The following ADARB2 variants were observed in gnomAD, a reference collection of about 807,000 sequenced individuals.
ADARB2 encodes inactive double-stranded RNA-specific editase B2.
A neutral mutation model predicts 62.2 loss-of-function variants in ADARB2; 25 were observed. That is an observed-to-expected ratio of 0.40 (90% CI 0.29 to 0.56). The LOEUF (loss-of-function observed/expected upper bound fraction) is 0.56, where lower values mean the gene tolerates loss of function less well. ADARB2 is among the 20% of genes least tolerant of loss of function. ADARB2 has a pLI of 0.43. For missense variants in ADARB2, 1,071 were observed against 1,077.4 expected, an observed-to-expected ratio of 0.99 and a Z score of 0.08; for synonymous variants, 572 against 500.8, an observed-to-expected ratio of 1.14 and a Z score of -1.90.
At chr10:1,588,000 C>G (rs1430791219) in intron 1 of ADARB2, among the ~76,000 whole-genome samples, 1 of 152,132 alleles carries the variant, frequency 6.6e-6, no homozygotes, top group Non-Finnish European at 1.5e-5. Context: ...TATAAATTAC[C>G]CAGTCTCGGT....
At chr10:1,646,217 T>C (rs1834039532) in intron 1 of ADARB2, among the ~76,000 whole-genome samples, 1 of 152,210 alleles carries the variant, frequency 6.6e-6, no homozygotes, top group Non-Finnish European at 1.5e-5. Flanking sequence ...AAACGATGTG[T>C]CCTGGGGTCC....
intron 7 of ADARB2, among the ~76,000 whole-genome samples, chr10:1,206,412 G>A (rs1473929105): frequency 6.6e-6 from 1 of 151,498 alleles, no homozygotes; most frequent in Non-Finnish European, 1.5e-5. Context: ...GTGCCTGTGT[G>A]GTCTGAGAGA....
At chr10:1,395,304 T>C (rs1271081507) in intron 1 of ADARB2, among the ~76,000 whole-genome samples, 2 of 152,144 alleles carry the variant, frequency 1.3e-5, no homozygotes, top group Admixed American at 6.5e-5. Flanking sequence ...TTAAGCCCCA[T>C]GGTGAGTGGG....
Position 1,600,661 on chromosome 10 carries a change from CA to C in ADARB2, c.100+136389del, listed in dbSNP as rs71379153. ...TGGGCAACAGAGTGAGACTCTGTCT[CA>C]AAAAAAAAAAAAAAAAAAAAAAGAT... On this transcript the variant is annotated intron_variant, in intron 1 of 9. Coordinates refer to ENST00000381312, the MANE Select transcript of ADARB2 (RefSeq NM_018702.4). Among the ~76,000 whole-genome samples the C allele has an allele frequency of 2.9e-3, 206 of 70,652 alleles. 1 individual carries two copies. The highest frequency in any genetic ancestry group is 4.6e-3 in the South Asian group (6 of 1,292). 46.4% of individuals were successfully genotyped at this position (70,652 alleles called of 152,430 possible).
At chr10:1,605,107 C>G (rs1833478707) in intron 1 of ADARB2, among the ~76,000 whole-genome samples, 1 of 152,228 alleles carries the variant, frequency 6.6e-6, no homozygotes. Context: ...ATGTCATCTA[C>G]ATAAAGCCAG....
Position 1,259,798 on chromosome 10 carries a change from TAGG to T in ADARB2, c.1192+11154_1192+11156del, listed in dbSNP as rs1430602183. The stretch of plus-strand genomic sequence containing the variant: ...AGAGGGACTCCTCCCTAACTCATTT[TAGG>T]AGGCCAGCATCATCCTGATACCAAA... On this transcript the variant is annotated intron_variant, in intron 4 of 9. Transcript: ENST00000381312. Among the ~76,000 whole-genome samples the T allele has an allele frequency of 3.3e-5, 5 of 152,352 alleles. No homozygotes were observed. In the East Asian group the frequency reaches 9.7e-4, roughly 29 times the overall value.
chr10:1,345,745 T>A (rs531256196), intron 3 of ADARB2, among the ~76,000 whole-genome samples: 1 of 152,340 alleles, frequency 6.6e-6, no homozygotes, highest in African/African-American at 2.4e-5. Context: ...ACTCTGCCCC[T>A]TTCAGTCTAT....
At chr10:1,489,606 G>A (rs1271571540) in intron 1 of ADARB2, among the ~76,000 whole-genome samples, 1 of 152,206 alleles carries the variant, frequency 6.6e-6, no homozygotes, top group Non-Finnish European at 1.5e-5. Context: ...AAACCACTGG[G>A]AAAACTATAA....
At chr10:1,725,309 C>T (rs1835149649) in intron 1 of ADARB2, among the ~76,000 whole-genome samples, 1 of 152,250 alleles carries the variant, frequency 6.6e-6, no homozygotes, top group Non-Finnish European at 1.5e-5. Context: ...ATGGCTGTGG[C>T]ACACACGCGG....
rs147377897 is a variant in ADARB2 at position 1,727,297 on chromosome 10, G to A, written c.100+9754C>T. Among the ~76,000 whole-genome samples, 410 of 152,194 alleles carry A rather than the reference G, an allele frequency of 2.7e-3. 9 individuals are homozygous for A. The highest frequency in any genetic ancestry group is 2.5e-3 in the East Asian group (13 of 5,142). On this transcript the variant is annotated intron_variant, in intron 1 of 9. Transcript: ENST00000381312. ...AGCACCCACACCTGCGGGGAGCCCC[G>A]CAGAGCAAAACCAAGGAAGATGTCT...
intron 2 of ADARB2, among the ~76,000 whole-genome samples, chr10:1,365,138 C>G (rs1301841651): frequency 6.6e-6 from 1 of 152,102 alleles, no homozygotes; most frequent in Non-Finnish European, 1.5e-5. Flanking sequence ...TCCCAAAGTG[C>G]TGGGATTACG....
intron 3 of ADARB2, among the ~76,000 whole-genome samples, chr10:1,328,440 A>ATGAGCAG (rs1258861167): frequency 6.6e-6 from 1 of 152,218 alleles, no homozygotes; most frequent in Non-Finnish European, 1.5e-5. Context: ...ATGTGATGAA[A>ATGAGCAG]TGAGCAGACA....
intron 1 of ADARB2, among the ~76,000 whole-genome samples, chr10:1,434,355 T>G (rs1172214588): frequency 3.3e-5 from 5 of 152,220 alleles, no homozygotes; most frequent in Non-Finnish European, 7.3e-5. Context: ...GCCTGCTGTC[T>G]TTGTGTCAGG....
At chr10:1,434,357 T>C (rs560571263) in intron 1 of ADARB2, among the ~76,000 whole-genome samples, 1 of 152,310 alleles carries the variant, frequency 6.6e-6, no homozygotes, top group African/African-American at 2.4e-5. Flanking sequence ...CTGCTGTCTT[T>C]GTGTCAGGTT....
At position 1,737,274 on chromosome 10, in the gene ADARB2, T is replaced by TC; in HGVS notation, c.-125_-124insG. The TC allele has an allele frequency of 1.1e-6, 1 of 920,708 alleles. No individual in the cohort carries two copies. Among genetic ancestry groups the TC allele is most frequent in the African/African-American group, 1.6e-5 (1 of 60,928 alleles). The allele number at this position is 920,708 out of a possible 1,614,324, so 57.0% of individuals were successfully genotyped here. Reference sequence around the variant, plus strand: ...GTTGCAAACCCGGGAGCGGCTCACTTTTCAGGACTGAGCAGGAAAGCGCGC... The same window carrying TC: ...GTTGCAAACCCGGGAGCGGCTCACTTCTTCAGGACTGAGCAGGAAAGCGCGC... On this transcript the variant is annotated 5_prime_UTR_variant, in exon 1 of 10. Transcript: ENST00000381312.
rs576869189 is a variant in ADARB2 at position 1,179,500 on chromosome 10, G to A, written c.*3693C>T. The A allele has an allele frequency of 1.2e-4, 19 of 152,318 alleles. No individual in the cohort carries two copies. In the East Asian group the frequency reaches 2.7e-3, roughly 22 times the overall value. The allele number at this position is 152,318 out of a possible 1,614,324, so 9.4% of individuals were successfully genotyped here. Reference sequence around the variant, plus strand: ...TGATATCACACACGGCTGCAAAACCGGGGCTGGAGGTGGACAGCGGAGGCT... The same window carrying A: ...TGATATCACACACGGCTGCAAAACCAGGGCTGGAGGTGGACAGCGGAGGCT... On this transcript the variant is annotated 3_prime_UTR_variant, in exon 10 of 10. Coordinates refer to ENST00000381312, the MANE Select transcript of ADARB2 (RefSeq NM_018702.4).
chr10:1,522,666 C>T (rs1483227281), intron 1 of ADARB2, among the ~76,000 whole-genome samples: 2 of 152,184 alleles, frequency 1.3e-5, no homozygotes. Context: ...TACACATGTC[C>T]CTCTTCTCAG....
At chr10:1,649,048 A>G (rs938540106) in intron 1 of ADARB2, among the ~76,000 whole-genome samples, 10 of 152,220 alleles carry the variant, frequency 6.6e-5, no homozygotes, top group African/African-American at 2.4e-4. Context: ...AAATCTTGAA[A>G]AAGTGGATGC....
chr10:1,552,204 G>A lies in ADARB2; in HGVS notation c.101-173044C>T, dbSNP rs542848850. 2.6e-5 allele frequency among the ~76,000 whole-genome samples: 4 copies of A among 152,350 alleles called. No individual in the cohort carries two copies. The East Asian group carries it at 7.7e-4, about 29-fold the overall frequency. On this transcript the variant is annotated intron_variant, in intron 1 of 9. Transcript: ENST00000381312. ...GGATGCCCATGGGGGGAGCTGGCCT[G>A]GGGCCAGGAGCCTTTCCTTTGCAGC...
Sources: allele counts gnomAD v4.1 joint callset (sites outside exome capture counted in the v4.1 genomes callset), GRCh38; gene constraint gnomAD v4.1.1; transcripts MANE v1.5; gene names NCBI Gene and HGNC (gene_info 2026-07-23, HGNC 2026-07-21).